ARMC2: variants seen among roughly 807,000 people sequenced by gnomAD.
ARMC2 encodes armadillo repeat containing 2.
ARMC2 carries 67 observed loss-of-function variants against 90.3 expected under a neutral mutation model. The ratio of observed to expected loss-of-function variants is 0.74; its 90% CI spans 0.61 to 0.91. The LOEUF (loss-of-function observed/expected upper bound fraction) is 0.91, where lower values mean the gene tolerates loss of function less well. Ranked by LOEUF, ARMC2 falls within the 40% of genes least tolerant of loss-of-function variation. The probability of loss-of-function intolerance (pLI) is 0.00; values close to 1 mark genes in which losing one functional copy is unlikely to be tolerated. For missense variants in ARMC2, 920 were observed against 1,030.9 expected (o/e 0.89, Z 1.47); for synonymous variants, 393 against 393.0 (o/e 1.00, Z 0.00).
intron 10 of ARMC2, among the ~76,000 whole-genome samples, chr6:108,924,560 T>G (rs1425751684): frequency 6.6e-6 from 1 of 152,046 alleles, no homozygotes; most frequent in African/African-American, 2.4e-5. Context: ...TCGAGGGCAC[T>G]CTGGGCGGAG....
At chr6:108,879,513 CCCATCTACCCAT>C (rs1244149916) in intron 5 of ARMC2, among the ~76,000 whole-genome samples, 4 of 151,338 alleles carry the variant, frequency 2.6e-5, no homozygotes, top group Non-Finnish European at 4.4e-5. Flanking sequence ...TATCCACCCA[CCCATCTACCCAT>C]CTATCCATCC....
intron 3 of ARMC2, among the ~76,000 whole-genome samples, chr6:108,862,290 G>A (rs1217614611): frequency 1.5e-5 from 2 of 132,196 alleles, no homozygotes; most frequent in African/African-American, 5.6e-5. Context: ...GTTGCAGTGA[G>A]CCAAGATTGT....
chr6:108,921,088 A>C (rs557918351), intron 10 of ARMC2, among the ~76,000 whole-genome samples: 149 of 152,278 alleles, frequency 9.8e-4, no homozygotes, highest in South Asian at 1.7e-3. Context: ...TTAGCATATA[A>C]TTGTGAATAG....
chr6:108,862,940 T>A (rs1775427457), intron 3 of ARMC2, among the ~76,000 whole-genome samples: 1 of 152,116 alleles, frequency 6.6e-6, no homozygotes, highest in Non-Finnish European at 1.5e-5. Flanking sequence ...CCCTCTCTCT[T>A]TCTCCCCATC....
At chr6:108,921,697 A>C (rs1774587820) in intron 10 of ARMC2, among the ~76,000 whole-genome samples, 2 of 152,196 alleles carry the variant, frequency 1.3e-5, no homozygotes, top group South Asian at 4.1e-4. Flanking sequence ...TGCCTTTATT[A>C]ATAGAGGGAG....
rs146126678 is a variant in ARMC2, at chr6:108,963,315, A to C, written c.2153-865A>C. ...TAAAAACATAACTCTCCATGTTCGT[A>C]ATGGAAAATTTCAATAATACAGATA... On this transcript the variant is annotated intron_variant, in intron 15 of 17. Coordinates refer to ENST00000392644, the MANE Select transcript of ARMC2 (RefSeq NM_032131.6). Among the ~76,000 whole-genome samples, 832 of 152,310 alleles carry C rather than the reference A, an allele frequency of 5.5e-3. 10 individuals carry two copies. The highest frequency in any genetic ancestry group is 0.019 in the African/African-American group (792 of 41,562).
intron 17 of ARMC2, among the ~76,000 whole-genome samples, chr6:108,972,421 G>C (rs1355620289): frequency 6.6e-5 from 10 of 152,122 alleles, no homozygotes; most frequent in African/African-American, 2.2e-4. Flanking sequence ...CTGCTGCTTT[G>C]AAGCCAGCAA....
At chr6:108,961,233 G>C (rs1289643854) in intron 13 of ARMC2, among the ~76,000 whole-genome samples, 9 of 152,202 alleles carry the variant, frequency 5.9e-5, no homozygotes. Flanking sequence ...CCAGAAAACA[G>C]GCGGGATTGG....
chr6:108,987,468 C>T, the ARMC2 span: 1 of 731,974 alleles, frequency 1.4e-6, no homozygotes, highest in Non-Finnish European at 2.3e-6. Flanking sequence ...ACCATTGGTC[C>T]TGGGGCTTAG....
In ARMC2 at chr6:108,950,303, A is replaced by G. The variant is rs543518268; in HGVS notation, c.1597-2730A>G. 2.6e-5 allele frequency among the ~76,000 whole-genome samples: 4 copies of G among 152,356 alleles called. No individual in the cohort carries two copies. In the South Asian group the frequency reaches 6.2e-4, roughly 24 times the overall value. ...CAAAGGAATATAAATAAATCATTCT[A>G]TCATAAAGACACATGCATACATTTG... On this transcript the variant is annotated intron_variant, in intron 12 of 17. Transcript: ENST00000392644.
At chr6:109,052,479 T>G in the ARMC2 span, among the ~76,000 whole-genome samples, 2 of 152,224 alleles carry the variant, frequency 1.3e-5, no homozygotes, top group Non-Finnish European at 2.9e-5. Flanking sequence ...TTCTTATGTA[T>G]ATTTTTAGAC....
intron 11 of ARMC2, among the ~76,000 whole-genome samples, chr6:108,929,865 T>C (rs1030954031): frequency 6.6e-6 from 1 of 152,134 alleles, no homozygotes; most frequent in Admixed American, 6.5e-5. Flanking sequence ...CCCAGAACTT[T>C]GGGAGGCCAA....
chr6:109,019,733 ATAT>A, the ARMC2 span, among the ~76,000 whole-genome samples: 1 of 152,246 alleles, frequency 6.6e-6, no homozygotes, highest in Non-Finnish European at 1.5e-5. Context: ...ATTAACAAAG[ATAT>A]TATTGATATC....
chr6:109,034,405 T>C, the ARMC2 span, among the ~76,000 whole-genome samples: 2 of 152,236 alleles, frequency 1.3e-5, no homozygotes, highest in Non-Finnish European at 2.9e-5. Flanking sequence ...TTATAGAATC[T>C]ATATTTTAAA....
intron 3 of ARMC2, among the ~76,000 whole-genome samples, chr6:108,868,495 G>A (rs1232204132): frequency 2.0e-5 from 3 of 152,182 alleles, no homozygotes; most frequent in Admixed American, 1.3e-4. Context: ...GGGATTGCAG[G>A]CATGAGCCAC....
In ARMC2 at chr6:108,894,356, G is replaced by A. The variant is rs117631573; in HGVS notation, c.672-111G>A. 2.5e-3 allele frequency: 2,195 copies of A among 894,280 alleles called. 31 individuals carry two copies. Among genetic ancestry groups the A allele is most frequent in the East Asian group, 7.1e-3 (238 of 33,402 alleles). 55.4% of individuals were successfully genotyped at this position (894,280 alleles called of 1,614,324 possible). A position where few individuals can be genotyped will look rare whatever the true frequency, so the allele number is the denominator to read the frequency against. Reference sequence around the variant, plus strand: ...TGTTCTCTAGCCTGGATGACAGAGTGAGACCTATCTCAAAATAATAAATAA... The same window carrying A: ...TGTTCTCTAGCCTGGATGACAGAGTAAGACCTATCTCAAAATAATAAATAA... On this transcript the variant is annotated intron_variant, in intron 5 of 17. Transcript: ENST00000392644.
intron 5 of ARMC2, among the ~76,000 whole-genome samples, chr6:108,879,574 CTATT>C (rs1391525732): frequency 1.6e-4 from 23 of 140,950 alleles, no homozygotes; most frequent in Admixed American, 6.1e-4. Context: ...ATCCATCTAT[CTATT>C]CACCCACCTG....
At chr6:108,986,977 G>A in the ARMC2 span, 1 of 152,616 alleles carries the variant, frequency 6.6e-6, no homozygotes, top group South Asian at 2.1e-4. Context: ...GTGTGAGTAG[G>A]AATTCTATGC....
At chr6:108,975,784 G>A (rs996276428), downstream of ARMC2, among the ~76,000 whole-genome samples, 7 of 152,060 alleles carry the variant, frequency 4.6e-5, no homozygotes, top group African/African-American at 1.4e-4. Flanking sequence ...ATGTTTGTTG[G>A]CTGCATAAAT....
Sources: allele counts gnomAD v4.1 joint callset (sites outside exome capture counted in the v4.1 genomes callset), GRCh38; gene constraint gnomAD v4.1.1; transcripts MANE v1.5; gene names NCBI Gene and HGNC (gene_info 2026-07-23, HGNC 2026-07-21).